Variants in NHS observed in about 807,000 individuals in gnomAD.
NHS encodes actin remodeling regulator NHS.
NHS carries 5 observed loss-of-function variants against 72.5 expected under a neutral mutation model. The observed-to-expected ratio is 0.07, with a 90% confidence interval of 0.04 to 0.14. The LOEUF is 0.14. Among genes scored for constraint, NHS ranks in the 10% least tolerant of loss-of-function variants. The pLI, the probability that NHS is intolerant of heterozygous loss-of-function variation, is 1.00. For synonymous variants in NHS, 464 were observed against 547.7 expected, an observed-to-expected ratio of 0.85 and a Z score of 2.13; for missense variants, 1,072 against 1,355.7, an observed-to-expected ratio of 0.79 and a Z score of 3.29.
intron 1 of NHS, among the ~76,000 whole-genome samples, chrX:17,534,117 T>TGTGTGC (rs2065212024): frequency 1.8e-5 from 2 of 112,395 alleles, no homozygotes; most frequent in Admixed American, 1.9e-4. Flanking sequence ...TGTGTGTGTG[T>TGTGTGC]GTGTGCATAC....
At position 17,734,830 on chromosome X, in the gene NHS, G is replaced by A. The variant is rs1439281366; in HGVS notation, c.*2366G>A. 6 of 112,325 alleles carry A rather than the reference G, an allele frequency of 5.3e-5. No homozygotes were observed. The highest frequency in any genetic ancestry group is 2.8e-4 in the East Asian group (1 of 3,568). The allele number at this position is 112,325 out of a possible 1,213,427, so 9.3% of individuals were successfully genotyped here. The stretch of plus-strand genomic sequence containing the variant: ...TTCCAGTCACAGTAGGCGATCTTTC[G>A]TAATTTCATAAAAGCAGTTCGTTTG... On this transcript the variant is annotated 3_prime_UTR_variant, in exon 9 of 9. Coordinates refer to ENST00000676302, the MANE Select transcript of NHS (RefSeq NM_001291867.2).
intron 1 of NHS, among the ~76,000 whole-genome samples, chrX:17,399,032 T>C (rs190917185): frequency 6.2e-5 from 7 of 112,341 alleles, no homozygotes; most frequent in African/African-American, 2.3e-4. Flanking sequence ...AAGCCATTTT[T>C]ACAAGGATCT....
At chrX:17,508,540 G>A (rs1006274140) in intron 1 of NHS, among the ~76,000 whole-genome samples, 1 of 111,262 alleles carries the variant, frequency 9.0e-6, no homozygotes, top group Non-Finnish European at 1.9e-5. Flanking sequence ...GCATGATCTC[G>A]GCTCACTGCA....
intron 1 of NHS, among the ~76,000 whole-genome samples, chrX:17,423,693 A>G (rs1416232987): frequency 8.9e-6 from 1 of 112,001 alleles, no homozygotes; most frequent in African/African-American, 3.3e-5. Flanking sequence ...CTCCATCTGT[A>G]AAATGGAGAT....
chrX:17,517,955 T>A (rs1400589796), intron 1 of NHS, among the ~76,000 whole-genome samples: 1 of 111,462 alleles, frequency 9.0e-6, no homozygotes, highest in Non-Finnish European at 1.9e-5. Flanking sequence ...ATCAGAGTAT[T>A]TCAAGGGTGG....
chrX:17,466,344 T>A (rs1348903533), intron 1 of NHS, among the ~76,000 whole-genome samples: 1 of 112,626 alleles, frequency 8.9e-6, no homozygotes, highest in Admixed American at 9.4e-5. Context: ...TGGATTTCAG[T>A]GCTCAAGACA....
intron 1 of NHS, among the ~76,000 whole-genome samples, chrX:17,418,072 C>A (rs957202630): frequency 4.9e-4 from 55 of 111,741 alleles, no homozygotes; most frequent in Admixed American, 1.8e-3. Flanking sequence ...TATTATTTAT[C>A]ATGAAGCTGC....
intron 1 of NHS, among the ~76,000 whole-genome samples, chrX:17,625,265 A>G (rs190920392): frequency 3.6e-5 from 4 of 111,510 alleles, no homozygotes; most frequent in East Asian, 5.6e-4. Context: ...TCCATCTGGT[A>G]TGGTATCACA....
chrX:17,622,510 G>A (rs1256462086), intron 1 of NHS, among the ~76,000 whole-genome samples: 1 of 112,255 alleles, frequency 8.9e-6, no homozygotes, highest in South Asian at 3.7e-4. Context: ...GAGTCCCCAT[G>A]GCTAAAATCA....
chrX:17,479,436 G>C, intron 1 of NHS, among the ~76,000 whole-genome samples: 1 of 112,170 alleles, frequency 8.9e-6, no homozygotes, highest in Non-Finnish European at 1.9e-5. Context: ...GTGTTGCTGG[G>C]TCAAATGGTA....
rs746064991 is a variant in NHS at position 17,651,423 on chromosome X, C to A, written c.566-36319C>A. Reference sequence around the variant, plus strand: ...GTTTTGTAGCATCTGATTAAAGAGACAGGAAAGTGAATTACTCAAGGTAGG... The same window carrying A: ...GTTTTGTAGCATCTGATTAAAGAGAAAGGAAAGTGAATTACTCAAGGTAGG... On this transcript the variant is annotated intron_variant, in intron 1 of 8. Coordinates refer to ENST00000676302, the MANE Select transcript of NHS (RefSeq NM_001291867.2). Among the ~76,000 whole-genome samples the A allele has an allele frequency of 1.6e-4, 18 of 112,446 alleles. 1 individual carries two copies. The highest frequency in any genetic ancestry group is 5.2e-4 in the African/African-American group (16 of 30,976).
intron 1 of NHS, among the ~76,000 whole-genome samples, chrX:17,464,316 G>C (rs189937946): frequency 4.5e-4 from 50 of 111,861 alleles, no homozygotes; most frequent in Non-Finnish European, 8.1e-4. Flanking sequence ...AGGACTCTCA[G>C]AGATCAAGGA....
rs1239939395 is a variant in NHS, at chrX:17,525,586, A to AT, written c.565+149270dup. On this transcript the variant is annotated intron_variant, in intron 1 of 8. Coordinates refer to ENST00000676302, the MANE Select transcript of NHS (RefSeq NM_001291867.2). ...GTTTCTAGCCAGTTCATTTTTGTCT[A>AT]TTTTTTGCAGCAATTTACTGTTTTG... Among the ~76,000 whole-genome samples, 5 of 62,086 alleles carry AT rather than the reference A, an allele frequency of 8.1e-5. No individual in the cohort carries two copies. In the South Asian group the frequency reaches 2.5e-3, roughly 31 times the overall value. The allele number at this position is 62,086 out of a possible 115,157, so 53.9% of individuals were successfully genotyped here.
At chrX:17,704,589 C>T (rs1019199521) in intron 3 of NHS, among the ~76,000 whole-genome samples, 6 of 111,409 alleles carry the variant, frequency 5.4e-5, no homozygotes, top group South Asian at 3.8e-4. Flanking sequence ...TGAGCCGCCA[C>T]GCCCGGCCAA....
At chrX:17,456,149 C>A (rs1313286484) in intron 1 of NHS, among the ~76,000 whole-genome samples, 1 of 111,512 alleles carries the variant, frequency 9.0e-6, no homozygotes, top group Admixed American at 9.5e-5. Flanking sequence ...TTTTTTTGCC[C>A]ATGAAGAACT....
chrX:17,553,398 G>T (rs979110058), intron 1 of NHS, among the ~76,000 whole-genome samples: 3 of 112,693 alleles, frequency 2.7e-5, no homozygotes, highest in African/African-American at 9.7e-5. Context: ...CAGCCAGCAT[G>T]AATGGGTTTT....
chrX:17,713,828 A>T (rs1035451327), intron 3 of NHS, among the ~76,000 whole-genome samples: 1 of 112,243 alleles, frequency 8.9e-6, no homozygotes, highest in East Asian at 2.8e-4. Context: ...TTCCTTCATT[A>T]TATACCAAAG....
chrX:17,699,539 T>A (rs773053970), intron 3 of NHS, among the ~76,000 whole-genome samples: 1 of 112,180 alleles, frequency 8.9e-6, no homozygotes, highest in East Asian at 2.8e-4. Context: ...CTCAGCACTG[T>A]TGACATTTTG....
At chrX:17,473,593 T>C (rs1476221732) in intron 1 of NHS, among the ~76,000 whole-genome samples, 1 of 112,481 alleles carries the variant, frequency 8.9e-6, no homozygotes, top group Non-Finnish European at 1.9e-5. Flanking sequence ...ATCTACTTTT[T>C]CAACCATTTC....
Sources: allele counts gnomAD v4.1 joint callset (sites outside exome capture counted in the v4.1 genomes callset), GRCh38; gene constraint gnomAD v4.1.1; transcripts MANE v1.5; gene names NCBI Gene and HGNC (gene_info 2026-07-23, HGNC 2026-07-21).